The following UPRT variants were observed in gnomAD, a reference collection of about 807,000 sequenced individuals.
UPRT encodes RP11-311P8.3.
A neutral mutation model predicts 22.6 loss-of-function variants in UPRT; 5 were observed. That is an observed-to-expected ratio of 0.22 (90% CI 0.12 to 0.47). The LOEUF is 0.47. Ranked by LOEUF, UPRT falls within the 20% of genes least tolerant of loss-of-function variation. The pLI, the probability that UPRT is intolerant of heterozygous loss-of-function variation, is 0.99. For synonymous variants in UPRT, 77 were observed against 87.7 expected (o/e 0.88, Z 0.68); for missense variants, 181 against 239.9 (o/e 0.75, Z 1.62).
Position 75,249,706 on chromosome X carries a change from G to A in UPRT, c.-446-41318G>A, listed in dbSNP as rs770503863. 2.3e-4 allele frequency among the ~76,000 whole-genome samples: 25 copies of A among 111,110 alleles called. No individual in the cohort carries two copies. In the South Asian group the frequency reaches 3.4e-3, roughly 15 times the overall value. On this transcript the variant is annotated intron_variant, in intron 4 of 13. Coordinates refer to the UPRT transcript ENST00000652605. ...AATTGAACTCAGCTCTGCACCAAGC[G>A]GACCTAATAGACACCTACAGAACTC...
chrX:75,188,439 G>T (rs748431203), intron 4 of UPRT, among the ~76,000 whole-genome samples: 1 of 112,141 alleles, frequency 8.9e-6, no homozygotes, highest in East Asian at 2.8e-4. Context: ...TGTCAGACAG[G>T]GACATTTAAG....
intron 4 of UPRT, among the ~76,000 whole-genome samples, chrX:75,192,391 A>G (rs1398980214): frequency 1.8e-5 from 2 of 110,068 alleles, no homozygotes; most frequent in Non-Finnish European, 3.8e-5. Flanking sequence ...TGTATTGTCT[A>G]TTTTAGAGTA....
intron 4 of UPRT, among the ~76,000 whole-genome samples, chrX:75,233,510 G>A: frequency 9.1e-6 from 1 of 110,204 alleles, no homozygotes; most frequent in Middle Eastern, 4.6e-3. Context: ...TGAAATGAAG[G>A]AAAAAATGTG....
intron 4 of UPRT, among the ~76,000 whole-genome samples, chrX:75,262,611 AAAAC>A (rs911930688): frequency 2.3e-4 from 26 of 111,337 alleles, no homozygotes; most frequent in South Asian, 3.8e-4. Flanking sequence ...AATGGAAAGC[AAAAC>A]AAACAAACAA....
At chrX:75,186,832 C>A (rs779588070) in intron 4 of UPRT, among the ~76,000 whole-genome samples, 1 of 111,561 alleles carries the variant, frequency 9.0e-6, no homozygotes, top group East Asian at 2.8e-4. Flanking sequence ...TTATCAGAGA[C>A]TAGGATTGCA....
chrX:75,197,480 G>T (rs1047109014), intron 4 of UPRT, among the ~76,000 whole-genome samples: 1 of 112,138 alleles, frequency 8.9e-6, no homozygotes, highest in Non-Finnish European at 1.9e-5. Context: ...TATTTACAAT[G>T]TTTAAAAAAT....
intron 6 of UPRT, 57 bp from the exon 7 acceptor site, chrX:75,303,348 G>T: frequency 1.1e-6 from 1 of 950,985 alleles, no homozygotes; most frequent in South Asian, 2.1e-5. Flanking sequence ...CAAAATTCCT[G>T]AATTACAACT....
At chrX:75,189,488 T>A (rs2082307332) in intron 4 of UPRT, among the ~76,000 whole-genome samples, 1 of 112,125 alleles carries the variant, frequency 8.9e-6, no homozygotes, top group African/African-American at 3.2e-5. Context: ...TCTGTAGATG[T>A]TTCTTAAGTC....
chrX:75,201,258 A>G (rs994580710), intron 4 of UPRT, among the ~76,000 whole-genome samples: 14 of 112,727 alleles, frequency 1.2e-4, no homozygotes, highest in African/African-American at 4.5e-4. Context: ...TTGCTTCACT[A>G]GAAAGTAATT....
chrX:75,192,886 A>G (rs1025766222), intron 4 of UPRT, among the ~76,000 whole-genome samples: 21 of 111,934 alleles, frequency 1.9e-4, no homozygotes, highest in Non-Finnish European at 3.6e-4. Context: ...TGAATACAGC[A>G]TACCATTGTG....
In UPRT at chrX:75,197,278, C is replaced by T. The variant is rs896869315; in HGVS notation, c.-447+29399C>T. On this transcript the variant is annotated intron_variant, in intron 4 of 13. Transcript: ENST00000652605. The stretch of plus-strand genomic sequence containing the variant: ...AAACACAAATTTCTCTGGAGAAACC[C>T]GCTTCATCCTATGACTTAAAGAATC... 2.7e-5 allele frequency among the ~76,000 whole-genome samples: 3 copies of T among 111,766 alleles called. No individual in the cohort carries two copies. In the East Asian group the frequency reaches 8.4e-4, roughly 31 times the overall value.
chrX:75,187,043 G>T (rs1258207683), intron 4 of UPRT, among the ~76,000 whole-genome samples: 1 of 111,262 alleles, frequency 9.0e-6, no homozygotes, highest in Non-Finnish European at 1.9e-5. Flanking sequence ...ATATTGTTAT[G>T]TGTGCATTGG....
At chrX:75,283,276 A>G (rs1308680447) in intron 1 of UPRT, among the ~76,000 whole-genome samples, 3 of 110,661 alleles carry the variant, frequency 2.7e-5, no homozygotes, top group Non-Finnish European at 3.8e-5. Context: ...TTTACATTCA[A>G]TGTTAGTATT....
At chrX:75,283,955 A>G (rs954609466) in intron 1 of UPRT, among the ~76,000 whole-genome samples, 3 of 111,838 alleles carry the variant, frequency 2.7e-5, no homozygotes, top group African/African-American at 9.8e-5. Context: ...GTTGTTTAAC[A>G]TAATCCTAGA....
chrX:75,259,545 AAAG>A (rs1336722531), intron 4 of UPRT, among the ~76,000 whole-genome samples: 1 of 109,166 alleles, frequency 9.2e-6, no homozygotes. Context: ...TAAAGCGAGA[AAAG>A]AAGATCAGAG....
chrX:75,159,332 G>A (rs756131885), intron 1 of UPRT, among the ~76,000 whole-genome samples: 10 of 112,079 alleles, frequency 8.9e-5, no homozygotes, highest in Non-Finnish European at 1.7e-4. Context: ...TATTGTGTAT[G>A]TACACCACAT....
intron 1 of UPRT, chrX:75,156,693 T>C (rs1394044233): frequency 3.0e-6 from 1 of 336,297 alleles, no homozygotes; most frequent in Non-Finnish European, 5.7e-6. Context: ...CTCCCCTCTC[T>C]CCATTTTCCC....
intron 4 of UPRT, among the ~76,000 whole-genome samples, chrX:75,179,617 G>A (rs1041981618): frequency 1.8e-5 from 2 of 113,345 alleles, no homozygotes; most frequent in Non-Finnish European, 3.7e-5. Flanking sequence ...CATGGAGTGG[G>A]TGGGAGGCTT....
intron 4 of UPRT, among the ~76,000 whole-genome samples, chrX:75,188,709 G>A (rs2082304051): frequency 8.9e-6 from 1 of 112,742 alleles, no homozygotes; most frequent in Non-Finnish European, 1.9e-5. Context: ...AACCATGTGT[G>A]GGACACAATC....
Sources: gnomAD v4.1 joint callset for allele counts (sites outside exome capture counted in the v4.1 genomes callset) on GRCh38, gnomAD v4.1.1 for gene constraint, MANE v1.5 for transcripts, NCBI Gene and HGNC (gene_info 2026-07-23, HGNC 2026-07-21) for gene names.